PDPK1: variants seen among roughly 807,000 people sequenced by gnomAD.
PDPK1 encodes 3-phosphoinositide-dependent protein kinase 1.
PDPK1 carries 7 observed loss-of-function variants against 39.8 expected under a neutral mutation model. The ratio of observed to expected loss-of-function variants is 0.18; its 90% CI spans 0.10 to 0.33. PDPK1 has a LOEUF of 0.33. PDPK1 is among the 10% of genes least tolerant of loss of function. The pLI is 1.00. For synonymous variants in PDPK1, 118 were observed against 159.1 expected (o/e 0.74, Z 1.95); for missense variants, 182 against 384.7 (o/e 0.47, Z 4.41).
intron 1 of PDPK1, chr16:2,538,966 G>C (rs1597010269): frequency 6.0e-5 from 21 of 347,734 alleles, no homozygotes; most frequent in South Asian, 5.0e-4. Flanking sequence ...GCGATGTGCA[G>C]TGGGTGATGG....
chr16:2,557,116 C>A (rs1190575788), intron 1 of PDPK1: 4 of 126,336 alleles, frequency 3.2e-5, no homozygotes, highest in African/African-American at 1.3e-4. Context: ...TAGCTTTGCA[C>A]GCTGATCTTC....
chr16:2,586,378 C>T (rs1009762044), intron 10 of PDPK1, among the ~76,000 whole-genome samples: 2 of 152,226 alleles, frequency 1.3e-5, no homozygotes, highest in Admixed American at 1.3e-4. Context: ...CTGGCATTCA[C>T]GGGGCCCGCA....
In PDPK1 at chr16:2,597,216, C is replaced by A. The variant is rs1263044277; in HGVS notation, c.1495C>A (p.Pro499Thr). 1 of 1,596,982 alleles carries A rather than the reference C, an allele frequency of 6.3e-7. No individual in the cohort carries two copies. The highest frequency in any genetic ancestry group is 1.3e-5 in the African/African-American group (1 of 74,802). ...CAACAAAGTTCTGAAAGGTGAAATT[C>A]CTTGGTCACAAGAACTTCGACCAGA... ...PVNKVLKGEI[P>T]WSQELRPEAK... The change falls in exon 13 of 14, where the codon CCT (proline) becomes ACT (threonine). Residue 499 changes from proline to threonine, a missense_variant. Around this residue, in one of 5 missense-constraint regions of PDPK1, gnomAD observed 67 missense variants for 87.8 expected, o/e 0.76. Coordinates refer to ENST00000342085, the MANE Select transcript of PDPK1 (RefSeq NM_002613.5). This position sits in a 1 kb window ranked among gnomAD's most constrained non-coding sequence, Gnocchi z 6.3.
At position 2,597,747 on chromosome 16, in the gene PDPK1, C is replaced by G. The variant is rs2142011520; in HGVS notation, c.1651C>G (p.Pro551Ala). The G allele has an allele frequency of 1.2e-6, 2 of 1,612,078 alleles. No individual in the cohort carries two copies. Among genetic ancestry groups the G allele is most frequent in the South Asian group, 2.2e-5 (2 of 91,010 alleles). Reference protein sequence around the residue: ...EVWRQRYQSHPDAAVQ With the variant: ...EVWRQRYQSHADAAVQ ...TTGGAGGCAGCGATACCAGAGCCACCCGGACGCCGCTGTGCAGTGACGTGG... is the reference window on the plus strand; with the variant it reads ...TTGGAGGCAGCGATACCAGAGCCACGCGGACGCCGCTGTGCAGTGACGTGG... Residue 551 changes from proline (P) to alanine (A), a missense_variant, in exon 14 of 14, where the codon CCG becomes GCG. Around this residue, in one of 5 missense-constraint regions of PDPK1, gnomAD observed 67 missense variants for 87.8 expected, o/e 0.76. Coordinates refer to ENST00000342085, the MANE Select transcript of PDPK1 (RefSeq NM_002613.5). This position sits in a 1 kb window ranked among gnomAD's most constrained non-coding sequence, Gnocchi z 6.3.
intron 11 of PDPK1, among the ~76,000 whole-genome samples, chr16:2,587,724 G>A (rs947158134): frequency 2.0e-5 from 3 of 152,122 alleles, no homozygotes; most frequent in Non-Finnish European, 4.4e-5. Context: ...TGGCCAGGCT[G>A]GTGCCTCTTT....
intron 1 of PDPK1, chr16:2,539,123 A>G (rs947765771): frequency 5.0e-6 from 1 of 199,344 alleles, no homozygotes. Flanking sequence ...CTCGACGCGC[A>G]GGCTGGAGTG....
intron 2 of PDPK1, 67 bp downstream of exon 2, chr16:2,558,030 G>T: frequency 1.9e-6 from 3 of 1,592,242 alleles, no homozygotes; most frequent in Non-Finnish European, 2.6e-6. Context: ...CCTTCCTCGG[G>T]GCTTGCCGGA....
At chr16:2,596,908 C>T (rs1463559037) in intron 12 of PDPK1, among the ~76,000 whole-genome samples, 1 of 152,118 alleles carries the variant, frequency 6.6e-6, no homozygotes, top group South Asian at 2.1e-4. Context: ...GGGCTGTCTG[C>T]GCCATCTCAG....
intron 1 of PDPK1, among the ~76,000 whole-genome samples, chr16:2,552,847 AGATT>A (rs1223356527): frequency 1.6e-5 from 2 of 128,740 alleles, no homozygotes; most frequent in Non-Finnish European, 3.2e-5. Context: ...CTGAGTGGGG[AGATT>A]GATTGATTGC....
intron 10 of PDPK1, among the ~76,000 whole-genome samples, chr16:2,585,180 T>A (rs2066841896): frequency 6.6e-6 from 1 of 152,342 alleles, no homozygotes; most frequent in East Asian, 1.9e-4. Context: ...TGCAGGCCCC[T>A]GTGCCTGGGC....
chr16:2,573,796 T>G lies in PDPK1; in HGVS notation c.710-3629T>G. On this transcript the variant is annotated intron_variant, in intron 6 of 13. Coordinates refer to ENST00000342085, the MANE Select transcript of PDPK1 (RefSeq NM_002613.5). ...CCCTTTTTTTTCCTTTTTCTGTTTTTATTTTTTTTTTTTTTGAGACGGAAT... is the reference window on the plus strand; with the variant it reads ...CCCTTTTTTTTCCTTTTTCTGTTTTGATTTTTTTTTTTTTTGAGACGGAAT... Among the ~76,000 whole-genome samples, 2 of 113,358 alleles carry G rather than the reference T, an allele frequency of 1.8e-5. 1 individual carries two copies. The highest frequency in any genetic ancestry group is 7.1e-5 in the African/African-American group (2 of 28,044). The allele number at this position is 113,358 out of a possible 152,430, so 74.4% of individuals were successfully genotyped here.
At chr16:2,595,901 G>A (rs369196937) in intron 12 of PDPK1, 51 bp downstream of exon 12, 20 of 1,408,036 alleles carry the variant, frequency 1.4e-5, no homozygotes, top group African/African-American at 5.6e-5. Context: ...CATCTTCCCC[G>A]ACTCCAGCTT....
chr16:2,597,686 G>A lies in PDPK1; in HGVS notation c.1590G>A (p.Gly530=), dbSNP rs2067131513. 1 of 1,613,812 alleles carries A rather than the reference G, an allele frequency of 6.2e-7. No individual in the cohort carries two copies. Among genetic ancestry groups the A allele is most frequent in the South Asian group, 1.1e-5 (1 of 91,080 alleles). The change falls in exon 14 of 14, where the codon GGG becomes GGA. Residue 530 remains glycine (G), a synonymous_variant. Transcript: ENST00000342085. This position sits in a 1 kb window ranked among gnomAD's most constrained non-coding sequence, Gnocchi z 6.3. ...CGTATTATCTGATGGACCCCAGCGG[G>A]AACGCACACAAGTGGTGCAGGAAGA... The part of the protein sequence containing the change: ...NRTYYLMDPS[G]NAHKWCRKIQ...
At position 2,593,151 on chromosome 16, in the gene PDPK1, C is replaced by T. The variant is rs2142003674; in HGVS notation, c.1344-2642C>T. 1 of 453,888 alleles carries T rather than the reference C, an allele frequency of 2.2e-6. No individual in the cohort carries two copies. Among genetic ancestry groups the T allele is most frequent in the South Asian group, 1.6e-5 (1 of 64,416 alleles). 28.1% of individuals were successfully genotyped at this position (453,888 alleles called of 1,614,324 possible). A position where few individuals can be genotyped will look rare whatever the true frequency, so the allele number is the denominator to read the frequency against. On this transcript the variant is annotated intron_variant, in intron 11 of 13. Transcript: ENST00000342085. This position sits in a 1 kb window ranked among gnomAD's most constrained non-coding sequence, Gnocchi z 4.2. Reference sequence around the variant, plus strand: ...GGAGCACCACTCCTGCACGCCCGTGCCTGTGGCATGCCCAGATGATCAGGG... The same window carrying T: ...GGAGCACCACTCCTGCACGCCCGTGTCTGTGGCATGCCCAGATGATCAGGG...
At position 2,591,262 on chromosome 16, in the gene PDPK1, A is replaced by G. The variant is rs555595959; in HGVS notation, c.1343+4369A>G. ...AGAGGCCAAAAGTCATTTGATACAT[A>G]GTGATATCCATGAATTGATCTGTGG... On this transcript the variant is annotated intron_variant, in intron 11 of 13. Transcript: ENST00000342085. Among the ~76,000 whole-genome samples, 40 of 152,266 alleles carry G rather than the reference A, an allele frequency of 2.6e-4. No homozygotes were observed. The East Asian group carries it at 7.5e-3, about 29-fold the overall frequency.
rs535542476 is a variant in PDPK1, at chr16:2,596,361, T to G, written c.1401+511T>G. ...CGCCCGCCACCATGCCCGGCTAATC[T>G]TTTTTTGTATTTTTAGTAGAGACGG... On this transcript the variant is annotated intron_variant, in intron 12 of 13. Transcript: ENST00000342085. 6.6e-3 allele frequency among the ~76,000 whole-genome samples: 1,012 copies of G among 152,240 alleles called. 6 individuals carry two copies. The highest frequency in any genetic ancestry group is 0.011 in the Non-Finnish European group (739 of 68,012).
intron 11 of PDPK1, among the ~76,000 whole-genome samples, chr16:2,588,350 G>C (rs1341446491): frequency 6.6e-6 from 1 of 152,176 alleles, no homozygotes; most frequent in East Asian, 1.9e-4. Context: ...GCAAGGAGGC[G>C]TGTGCCTGGC....
At position 2,597,420 on chromosome 16, in the gene PDPK1, T is replaced by C. The variant is rs2067125941; in HGVS notation, c.1554+145T>C. The C allele has an allele frequency of 2.5e-6, 2 of 793,620 alleles. No homozygotes were observed. The highest frequency in any genetic ancestry group is 2.1e-6 in the Non-Finnish European group (1 of 482,386). The allele number at this position is 793,620 out of a possible 1,614,324, so 49.2% of individuals were successfully genotyped here. A position where few individuals can be genotyped will look rare whatever the true frequency, so the allele number is the denominator to read the frequency against. On this transcript the variant is annotated intron_variant, in intron 13 of 13. Transcript: ENST00000342085. The surrounding 1 kb of genome is among the most constrained non-coding windows in gnomAD (Gnocchi z 6.3). ...TTTCCGACATCCCAGACGCCCACAC[T>C]AGTGGCTCAGTCCTGAGGGGGCAGG...
Position 2,593,264 on chromosome 16 carries a change from G to A in PDPK1, c.1344-2529G>A. On this transcript the variant is annotated intron_variant, in intron 11 of 13. Coordinates refer to ENST00000342085, the MANE Select transcript of PDPK1 (RefSeq NM_002613.5). This position sits in a 1 kb window ranked among gnomAD's most constrained non-coding sequence, Gnocchi z 4.2. ...CCTCTTCTGGGAATTTTTAGTTTGT[G>A]TCATTTTGTTGAGTTTTCTGTTGGG... The A allele has an allele frequency of 2.8e-6, 1 of 360,610 alleles. No individual in the cohort carries two copies. Among genetic ancestry groups the A allele is most frequent in the Non-Finnish European group, 5.4e-6 (1 of 185,044 alleles). The allele number at this position is 360,610 out of a possible 1,614,324, so 22.3% of individuals were successfully genotyped here.
Sources: gnomAD v4.1 joint callset for allele counts (sites outside exome capture counted in the v4.1 genomes callset) on GRCh38, gnomAD v4.1.1 for gene constraint, gnomAD v4.1.1 regional missense constraint, Gnocchi (gnomAD v3.1) non-coding constraint, MANE v1.5 for transcripts, NCBI Gene and HGNC (gene_info 2026-07-23, HGNC 2026-07-21) for gene names.